Variants in SRP68 observed in about 807,000 individuals in gnomAD.
SRP68 encodes the protein signal recognition particle 68.
Under a neutral mutation model 82.2 loss-of-function variants are expected in SRP68, and 15 were observed. The ratio of observed to expected loss-of-function variants is 0.18; its 90% CI spans 0.12 to 0.28. SRP68 has a LOEUF of 0.28. SRP68 is among the 10% of genes least tolerant of loss of function. The pLI is 1.00. For missense variants in SRP68, 595 were observed against 780.5 expected (o/e 0.76, Z 2.83); for synonymous variants, 261 against 292.6 (o/e 0.89, Z 1.10).
intron 3 of SRP68, 104 bp downstream of exon 3, chr17:76,067,113 G>A: frequency 1.1e-6 from 1 of 870,584 alleles, no homozygotes; most frequent in Non-Finnish European, 1.9e-6. Flanking sequence ...ACAATGCCCA[G>A]CCCACAGAGA....
At chr17:76,051,206 G>C (rs1041547594) in intron 8 of SRP68, among the ~76,000 whole-genome samples, 1 of 152,234 alleles carries the variant, frequency 6.6e-6, no homozygotes, top group East Asian at 1.9e-4. Context: ...TGAGACGACA[G>C]TCTTTGCACA....
At position 76,039,948 on chromosome 17, in the gene SRP68, A is replaced by C; in HGVS notation, c.1657-15T>G. 2.5e-6 allele frequency: 4 copies of C among 1,613,164 alleles called. No individual in the cohort carries two copies. The highest frequency in any genetic ancestry group is 3.4e-6 in the Non-Finnish European group (4 of 1,179,396). On this transcript the variant is annotated splice_polypyrimidine_tract_variant and intron_variant, in intron 15 of 15. Coordinates refer to ENST00000307877, the MANE Select transcript of SRP68 (RefSeq NM_014230.4). ...TCAACCAGAGGCTGGAAGTCAAATC[A>C]AAGAGACGTATGTAGCATCGGTCAC...
Position 76,039,225 on chromosome 17 carries a change from G to A in SRP68, c.*481C>T. The A allele has an allele frequency of 5.3e-6, 2 of 380,632 alleles. No homozygotes were observed. The highest frequency in any genetic ancestry group is 3.8e-5 in the South Asian group (2 of 52,890). The allele number at this position is 380,632 out of a possible 1,614,324, so 23.6% of individuals were successfully genotyped here. ...TTCTTAGCGTTCACTGGGAGGTGAA[G>A]GGGAATAAGGCTGACCGTAATTCTG... On this transcript the variant is annotated 3_prime_UTR_variant, in exon 16 of 16. Coordinates refer to ENST00000307877, the MANE Select transcript of SRP68 (RefSeq NM_014230.4).
At chr17:76,070,232 A>AAAAAAC (rs1244066315) in intron 2 of SRP68, 146 bp downstream of exon 2, 4 of 698,642 alleles carry the variant, frequency 5.7e-6, no homozygotes, top group African/African-American at 5.6e-5. Context: ...CAAAAAAAAA[A>AAAAAAC]AAAAAAACAA....
chr17:76,059,090 CAA>C (rs1460727333), intron 7 of SRP68, among the ~76,000 whole-genome samples: 1 of 151,388 alleles, frequency 6.6e-6, no homozygotes, highest in Non-Finnish European at 1.5e-5. Flanking sequence ...TACCAAAAAA[CAA>C]AAAAAAGTTA....
intron 10 of SRP68, among the ~76,000 whole-genome samples, chr17:76,046,975 G>A (rs1313413721): frequency 1.3e-5 from 2 of 152,114 alleles, no homozygotes; most frequent in African/African-American, 2.4e-5. Context: ...AGGCATGGTG[G>A]CTCATGCCTC....
At chr17:76,066,429 A>G in intron 3 of SRP68, among the ~76,000 whole-genome samples, 1 of 146,916 alleles carries the variant, frequency 6.8e-6, no homozygotes, top group Non-Finnish European at 1.5e-5. Flanking sequence ...CAACCTGGGC[A>G]ACAGAGTGAG....
chr17:76,051,070 T>C (rs2066668821), intron 8 of SRP68, among the ~76,000 whole-genome samples: 1 of 152,210 alleles, frequency 6.6e-6, no homozygotes, highest in Non-Finnish European at 1.5e-5. Context: ...GACTAATCAA[T>C]ACCCACCAAA....
chr17:76,052,571 G>A (rs989558058), intron 8 of SRP68, among the ~76,000 whole-genome samples: 13 of 152,064 alleles, frequency 8.5e-5, no homozygotes, highest in African/African-American at 2.4e-4. Context: ...TTGGGAGGCT[G>A]AGGCGGGCGG....
chr17:76,053,820 TTATTCTATAAATC>T (rs1257812692), intron 8 of SRP68, among the ~76,000 whole-genome samples: 1 of 152,190 alleles, frequency 6.6e-6, no homozygotes, highest in Non-Finnish European at 1.5e-5. Flanking sequence ...ATTTACACTT[TTATTCTATAAATC>T]TATATTCAAG....
At chr17:76,058,424 G>A (rs572493279) in intron 7 of SRP68, among the ~76,000 whole-genome samples, 2 of 151,992 alleles carry the variant, frequency 1.3e-5, no homozygotes, top group East Asian at 1.9e-4. Flanking sequence ...CCCAGCCTCT[G>A]AAAAAAATTT....
intron 4 of SRP68, among the ~76,000 whole-genome samples, chr17:76,062,015 A>C (rs925769071): frequency 1.3e-5 from 2 of 151,894 alleles, no homozygotes; most frequent in Admixed American, 1.3e-4. Flanking sequence ...GGCCAGGCGC[A>C]GTGGCTCATG....
At chr17:76,050,596 C>T (rs1049868586) in intron 8 of SRP68, 70 bp from the exon 9 acceptor site, 13 of 1,045,740 alleles carry the variant, frequency 1.2e-5, no homozygotes, top group Middle Eastern at 2.0e-4. Flanking sequence ...GGGAGAGGAG[C>T]AAAATCGCAC....
intron 8 of SRP68, among the ~76,000 whole-genome samples, chr17:76,052,917 T>TAA (rs75770227): frequency 5.4e-5 from 7 of 128,482 alleles, no homozygotes; most frequent in African/African-American, 1.2e-4. Context: ...TCCCAGAACT[T>TAA]AAAAAAAAAA....
At chr17:76,066,169 AG>A (rs1416039077) in intron 3 of SRP68, among the ~76,000 whole-genome samples, 1 of 152,036 alleles carries the variant, frequency 6.6e-6, no homozygotes, top group Non-Finnish European at 1.5e-5. Context: ...TTTACACACC[AG>A]CCTGGCGCAG....
At chr17:76,051,696 G>A (rs902282108) in intron 8 of SRP68, among the ~76,000 whole-genome samples, 12 of 151,830 alleles carry the variant, frequency 7.9e-5, no homozygotes, top group Non-Finnish European at 2.9e-5. Flanking sequence ...CCACTTATAA[G>A]TTACTTGACT....
At chr17:76,047,033 G>A (rs749688876) in intron 10 of SRP68, among the ~76,000 whole-genome samples, 7 of 151,830 alleles carry the variant, frequency 4.6e-5, no homozygotes, top group Admixed American at 6.6e-5. Context: ...ACCTGAGCCC[G>A]GGAGGCAAAG....
intron 8 of SRP68, among the ~76,000 whole-genome samples, chr17:76,055,512 T>G (rs945685885): frequency 1.2e-4 from 18 of 151,750 alleles, no homozygotes; most frequent in Non-Finnish European, 2.1e-4. Context: ...TTCCAGCACT[T>G]TGGGAGGCTG....
Position 76,043,853 on chromosome 17 carries a change from A to G in SRP68, c.1500T>C (p.Ala500=), listed in dbSNP as rs1428162715. ...LKYANEVNSD[A]GAFKNSLKDL... is the part of the protein sequence containing the mutation. ...CCTTTAGGCTGTTCTTGAAGGCGCC[A>G]GCATCAGAATTTACTTCATTTGCAT... Residue 500 remains alanine (A), a synonymous_variant, in exon 13 of 16, where the codon GCT becomes GCC. Coordinates refer to ENST00000307877, the MANE Select transcript of SRP68 (RefSeq NM_014230.4). The G allele has an allele frequency of 1.9e-6, 3 of 1,604,184 alleles. No individual in the cohort carries two copies. The highest frequency in any genetic ancestry group is 2.7e-5 in the African/African-American group (2 of 74,152).
Sources: allele counts gnomAD v4.1 joint callset (sites outside exome capture counted in the v4.1 genomes callset), GRCh38; gene constraint gnomAD v4.1.1; transcripts MANE v1.5; gene names NCBI Gene and HGNC (gene_info 2026-07-23, HGNC 2026-07-21).